OGA: variants seen among roughly 807,000 people sequenced by gnomAD.
The protein encoded by OGA is protein O-GlcNAcase.
In OGA, 21 loss-of-function variants were observed where a neutral mutation model predicts 102.0. The ratio of observed to expected loss-of-function variants is 0.21; its 90% confidence interval spans 0.15 to 0.30. The LOEUF (loss-of-function observed/expected upper bound fraction) is 0.30, where lower values mean the gene tolerates loss of function less well. Ranked by LOEUF, OGA falls within the 10% of genes least tolerant of loss-of-function variation. The probability of loss-of-function intolerance (pLI) is 1.00; values close to 1 mark genes in which losing one functional copy is unlikely to be tolerated. For missense variants in OGA, 765 were observed against 1,107.8 expected (o/e 0.69, Z 4.39); for synonymous variants, 408 against 378.2 (o/e 1.08, Z -0.91).
At chr10:101,794,020 G>T in intron 10 of OGA, 22 bp from the exon 11 acceptor site, 1 of 1,573,092 alleles carries the variant, frequency 6.4e-7, no homozygotes, top group African/African-American at 1.4e-5. Context: ...AGATCCAAGC[G>T]GAGAACGTTA....
chr10:101,789,438 C>T (rs757419610), intron 14 of OGA, among the ~76,000 whole-genome samples: 1 of 152,012 alleles, frequency 6.6e-6, no homozygotes. Context: ...GTGGAGGTTG[C>T]GGTGAGCCAA....
chr10:101,793,004 G>A, intron 11 of OGA, 61 bp from the exon 12 acceptor site: 1 of 1,313,544 alleles, frequency 7.6e-7, no homozygotes, highest in African/African-American at 1.5e-5. Context: ...TTTTTAAATG[G>A]GTGTGCACTG....
chr10:101,810,277 A>G lies in OGA; in HGVS notation c.387T>C (p.Tyr129=). The G allele has an allele frequency of 1.9e-6, 3 of 1,612,402 alleles. No homozygotes were observed. The highest frequency in any genetic ancestry group is 2.5e-6 in the Non-Finnish European group (3 of 1,178,548). Residue 129 remains tyrosine, a synonymous_variant, in exon 4 of 16, where the codon TAT becomes TAC. Coordinates refer to ENST00000361464, the MANE Select transcript of OGA (RefSeq NM_012215.5). The part of the protein sequence containing the change: ...LMTLISAARE[Y]EIEFIYAISP... ...AGATCGCATAGATGAACTCTATCTC[A>G]TATTCTCGTGCAGCAGAGATGAGAG...
chr10:101,798,750 C>CA, intron 9 of OGA, 92 bp downstream of exon 9: 16 of 1,421,204 alleles, frequency 1.1e-5, no homozygotes, highest in Middle Eastern at 1.9e-4. Context: ...AATTTTCTGT[C>CA]AGTTACAGTG....
chr10:101,818,101 A>G lies in OGA; in HGVS notation c.-79T>C. 2.8e-6 allele frequency: 4 copies of G among 1,435,506 alleles called. No homozygotes were observed. Among genetic ancestry groups the G allele is most frequent in the Non-Finnish European group, 2.7e-6 (3 of 1,093,814 alleles). The allele number at this position is 1,435,506 out of a possible 1,614,324, so 88.9% of individuals were successfully genotyped here. A position where few individuals can be genotyped will look rare whatever the true frequency, so the allele number is the denominator to read the frequency against. On this transcript the variant is annotated 5_prime_UTR_variant, in exon 1 of 16. Coordinates refer to ENST00000361464, the MANE Select transcript of OGA (RefSeq NM_012215.5). ...TTGGGGCACCGGCCCGGAGCCCTGG[A>G]GAGGGCTTCAGCTCCAAGTGTGCGC...
chr10:101,784,707 C>T lies in OGA; in HGVS notation c.*1744G>A, dbSNP rs539453667. 11 of 152,300 alleles carry T rather than the reference C, an allele frequency of 7.2e-5. No homozygotes were observed. Among genetic ancestry groups the T allele is most frequent in the Admixed American group, 7.2e-4 (11 of 15,308 alleles). 9.4% of individuals were successfully genotyped at this position (152,300 alleles called of 1,614,324 possible). A position where few individuals can be genotyped will look rare whatever the true frequency, so the allele number is the denominator to read the frequency against. On this transcript the variant is annotated 3_prime_UTR_variant, in exon 16 of 16. Coordinates refer to ENST00000361464, the MANE Select transcript of OGA (RefSeq NM_012215.5). ...ACCAAAAGCAAACTTGCTAAAAAATCCTGAATTCCATGAGGTTAACTCTGA... is the reference window on the plus strand; with the variant it reads ...ACCAAAAGCAAACTTGCTAAAAAATTCTGAATTCCATGAGGTTAACTCTGA...
At chr10:101,812,397 G>A (rs1374828721) in intron 3 of OGA, among the ~76,000 whole-genome samples, 1 of 152,004 alleles carries the variant, frequency 6.6e-6, no homozygotes, top group Non-Finnish European at 1.5e-5. Flanking sequence ...GACAGAGCAA[G>A]ACTCTGTCTC....
At chr10:101,794,455 G>A (rs762716499) in intron 10 of OGA, among the ~76,000 whole-genome samples, 12 of 152,140 alleles carry the variant, frequency 7.9e-5, no homozygotes, top group African/African-American at 9.7e-5. Flanking sequence ...GGAAAAGGGC[G>A]GGGGAGAAGG....
intron 1 of OGA, 68 bp downstream of exon 1, chr10:101,817,756 C>T (rs1478613938): frequency 6.7e-6 from 10 of 1,503,308 alleles, no homozygotes; most frequent in Admixed American, 2.0e-5. Flanking sequence ...CCAAAATCCC[C>T]GCCACCACCC....
chr10:101,799,142 T>C lies in OGA; in HGVS notation c.1509A>G (p.Lys503=), dbSNP rs374434846. ...AEELKPMDTD[K]ESIAESKSPE... ...GGGATTTTGATTCAGCTATGCTCTCTTTATCAGTGTCCATTGGTTTCAATT... is the reference window on the plus strand; with the variant it reads ...GGGATTTTGATTCAGCTATGCTCTCCTTATCAGTGTCCATTGGTTTCAATT... Residue 503 remains lysine, a synonymous_variant, in exon 9 of 16, where the codon AAA becomes AAG. Coordinates refer to ENST00000361464, the MANE Select transcript of OGA (RefSeq NM_012215.5). 4.0e-5 allele frequency: 64 copies of C among 1,614,142 alleles called. No individual in the cohort carries two copies. The highest frequency in any genetic ancestry group is 4.9e-5 in the Non-Finnish European group (58 of 1,180,048).
intron 7 of OGA, among the ~76,000 whole-genome samples, chr10:101,802,317 A>G (rs765481833): frequency 6.6e-6 from 1 of 152,198 alleles, no homozygotes; most frequent in Non-Finnish European, 1.5e-5. Context: ...TTAAACTATT[A>G]CAACACTTAT....
At chr10:101,803,128 A>C (rs1198763093) in intron 7 of OGA, among the ~76,000 whole-genome samples, 1 of 151,402 alleles carries the variant, frequency 6.6e-6, no homozygotes, top group Non-Finnish European at 1.5e-5. Flanking sequence ...GCGATGGAGC[A>C]AAACTCCATC....
chr10:101,792,824 TAG>T lies in OGA; in HGVS notation c.2175+13_2175+14del. ...CATACCCATACACCAAGTTGGTAGG[TAG>T]AGAGACAATTACCTCATCCTTAGGA... On this transcript the variant is annotated intron_variant, in intron 12 of 15. Transcript: ENST00000361464. 1.3e-6 allele frequency: 2 copies of T among 1,547,436 alleles called. No homozygotes were observed. The highest frequency in any genetic ancestry group is 4.5e-5 in the East Asian group (2 of 44,552).
chr10:101,800,799 G>C (rs1431436964), intron 7 of OGA, among the ~76,000 whole-genome samples: 1 of 141,540 alleles, frequency 7.1e-6, no homozygotes, highest in Non-Finnish European at 1.5e-5. Context: ...TTTTGAGATG[G>C]AGTCTCACCC....
intron 7 of OGA, among the ~76,000 whole-genome samples, chr10:101,800,755 C>T (rs2065378925): frequency 6.7e-6 from 1 of 149,248 alleles, no homozygotes; most frequent in African/African-American, 2.5e-5. Context: ...GCATAGCCTT[C>T]AGGGCCTTGT....
chr10:101,817,490 C>T (rs762882779), intron 1 of OGA, among the ~76,000 whole-genome samples: 1 of 152,100 alleles, frequency 6.6e-6, no homozygotes, highest in Non-Finnish European at 1.5e-5. Context: ...AACCAGACAA[C>T]CCTAGGGAAT....
chr10:101,808,579 T>G (rs936297284), intron 4 of OGA, among the ~76,000 whole-genome samples: 5 of 152,200 alleles, frequency 3.3e-5, no homozygotes, highest in African/African-American at 1.2e-4. Context: ...AAATTTCAAC[T>G]GCCTTAAATT....
rs1266868515 is a variant in OGA at position 101,785,415 on chromosome 10, CA to C, written c.*1035del. The C allele has an allele frequency of 1.3e-5, 2 of 152,586 alleles. No homozygotes were observed. The highest frequency in any genetic ancestry group is 2.9e-5 in the Non-Finnish European group (2 of 68,034). The allele number at this position is 152,586 out of a possible 1,614,324, so 9.5% of individuals were successfully genotyped here. A position where few individuals can be genotyped will look rare whatever the true frequency, so the allele number is the denominator to read the frequency against. On this transcript the variant is annotated 3_prime_UTR_variant, in exon 16 of 16. Coordinates refer to ENST00000361464, the MANE Select transcript of OGA (RefSeq NM_012215.5). ...TGAGATTAAACAACTGACCTGAGGG[CA>C]AATGGGACCAATCAGTCCCTGAACC...
chr10:101,794,130 A>G, intron 10 of OGA, 132 bp from the exon 11 acceptor site: 1 of 571,276 alleles, frequency 1.8e-6, no homozygotes. Context: ...GGGCAAGGCT[A>G]TGATAATAAT....
Sources: gnomAD v4.1 joint callset for allele counts (sites outside exome capture counted in the v4.1 genomes callset) on GRCh38, gnomAD v4.1.1 for gene constraint, MANE v1.5 for transcripts, NCBI Gene and HGNC (gene_info 2026-07-23, HGNC 2026-07-21) for gene names.